The following CNNM2 variants were observed in gnomAD, a reference collection of about 807,000 sequenced individuals.
CNNM2 encodes cyclin and CBS domain divalent metal cation transport mediator 2.
Under a neutral mutation model 66.9 loss-of-function variants are expected in CNNM2, and 12 were observed. That is an observed-to-expected ratio of 0.18 (90% CI 0.11 to 0.29). CNNM2 has a LOEUF of 0.29. Ranked by LOEUF, CNNM2 falls within the 10% of genes least tolerant of loss-of-function variation. CNNM2 has a pLI of 1.00. For missense variants in CNNM2, 705 were observed against 1,167.7 expected, an observed-to-expected ratio of 0.60 and a Z score of 5.77; for synonymous variants, 557 against 501.8, an observed-to-expected ratio of 1.11 and a Z score of -1.47.
chr10:102,994,537 T>A (rs1380409367), intron 1 of CNNM2, among the ~76,000 whole-genome samples: 9 of 152,234 alleles, frequency 5.9e-5, no homozygotes, highest in Admixed American at 5.9e-4. Flanking sequence ...GGAACAATTC[T>A]CAAAGCCACA....
intron 1 of CNNM2, among the ~76,000 whole-genome samples, chr10:102,979,052 G>A (rs564559497): frequency 1.3e-5 from 2 of 152,198 alleles, no homozygotes; most frequent in South Asian, 2.1e-4. Flanking sequence ...GATAGTTCCC[G>A]GCTTTAGGCT....
chr10:102,965,186 C>T (rs1350993685), intron 1 of CNNM2, among the ~76,000 whole-genome samples: 2 of 152,220 alleles, frequency 1.3e-5, no homozygotes, highest in African/African-American at 4.8e-5. Flanking sequence ...CTGACCAAGA[C>T]ATATATGAAG....
At chr10:103,034,990 A>T (rs1189684469) in intron 1 of CNNM2, among the ~76,000 whole-genome samples, 1 of 149,012 alleles carries the variant, frequency 6.7e-6, no homozygotes. Context: ...AAAAAAAAAA[A>T]TCTCCTACTA....
At chr10:102,920,226 T>A in intron 1 of CNNM2, 125 bp downstream of exon 1, 1 of 1,589,334 alleles carries the variant, frequency 6.3e-7, no homozygotes, top group Non-Finnish European at 8.6e-7. Context: ...TTCTCCCTCT[T>A]AATTGCAAAG....
At chr10:103,052,294 A>C (rs552909513) in intron 2 of CNNM2, among the ~76,000 whole-genome samples, 16 of 151,194 alleles carry the variant, frequency 1.1e-4, no homozygotes, top group African/African-American at 1.9e-4. Flanking sequence ...AAAAAAACAA[A>C]AAAAAAAAAA....
In CNNM2 at chr10:102,919,466, C is replaced by G. The variant is rs1845545649; in HGVS notation, c.986C>G (p.Thr329Arg). ...LLLGNVLVNT[T>R]LTILLDDIAG... is the part of the protein sequence containing the mutation. Reference sequence around the variant, plus strand: ...CTGGGCAACGTGCTGGTCAACACCACGCTCACCATCCTGCTCGACGACATC... The same window carrying G: ...CTGGGCAACGTGCTGGTCAACACCAGGCTCACCATCCTGCTCGACGACATC... The change falls in exon 1 of 8, where the codon ACG becomes AGG. Residue 329 changes from threonine (T) to arginine (R), a missense_variant. Coordinates refer to ENST00000369878, the MANE Select transcript of CNNM2 (RefSeq NM_017649.5). The G allele has an allele frequency of 6.2e-7, 1 of 1,612,012 alleles. No individual in the cohort carries two copies.
intron 6 of CNNM2, 107 bp downstream of exon 6, chr10:103,071,946 G>T: frequency 1.0e-6 from 1 of 970,628 alleles, no homozygotes; most frequent in Non-Finnish European, 1.7e-6. Flanking sequence ...GCTGTTTTCA[G>T]TGTTCCTTGG....
chr10:103,057,465 TAAA>T (rs80025082), intron 4 of CNNM2, among the ~76,000 whole-genome samples: 2 of 141,692 alleles, frequency 1.4e-5, no homozygotes, highest in African/African-American at 2.6e-5. Context: ...AACCCTGTTT[TAAA>T]AAAAAAAAAA....
intron 1 of CNNM2, among the ~76,000 whole-genome samples, chr10:102,939,322 T>C (rs1846346021): frequency 1.3e-5 from 2 of 152,252 alleles, no homozygotes; most frequent in Non-Finnish European, 2.9e-5. Context: ...TACTGCAAGA[T>C]TTCTTCAAGA....
intron 1 of CNNM2, among the ~76,000 whole-genome samples, chr10:103,039,261 C>T (rs557002308): frequency 2.0e-5 from 3 of 152,178 alleles, no homozygotes; most frequent in African/African-American, 4.8e-5. Context: ...CTCAGCCTCC[C>T]GAGTAGCTGG....
chr10:103,030,527 C>T (rs1441945053), intron 1 of CNNM2, among the ~76,000 whole-genome samples: 1 of 152,056 alleles, frequency 6.6e-6, no homozygotes, highest in African/African-American at 2.4e-5. Context: ...CCAGCCTGGC[C>T]AACACGGTGA....
At position 103,077,201 on chromosome 10, in the gene CNNM2, C is replaced by G. The variant is rs374403051; in HGVS notation, c.*21C>G. 14 of 1,607,436 alleles carry G rather than the reference C, an allele frequency of 8.7e-6. No homozygotes were observed. The African/African-American group carries it at 1.5e-4, about 17-fold the overall frequency. ...TCTAGGCCGCGCTGGCTGCACCCGC[C>G]CAGGCCCGCACCCGCCCAGTCCCGA... On this transcript the variant is annotated 3_prime_UTR_variant, in exon 8 of 8. Coordinates refer to ENST00000369878, the MANE Select transcript of CNNM2 (RefSeq NM_017649.5).
chr10:103,037,334 C>G (rs916042667), intron 1 of CNNM2, among the ~76,000 whole-genome samples: 5 of 150,870 alleles, frequency 3.3e-5, no homozygotes, highest in African/African-American at 1.2e-4. Flanking sequence ...GTTACCTAGG[C>G]TAGACTCACT....
At chr10:103,003,386 T>G (rs2064162352) in intron 1 of CNNM2, among the ~76,000 whole-genome samples, 1 of 152,178 alleles carries the variant, frequency 6.6e-6, no homozygotes, top group South Asian at 2.1e-4. Flanking sequence ...AGTACTGGGA[T>G]TACAGGCATA....
chr10:102,943,880 G>A (rs563831596), intron 1 of CNNM2, among the ~76,000 whole-genome samples: 3 of 152,094 alleles, frequency 2.0e-5, no homozygotes, highest in Admixed American at 6.5e-5. Flanking sequence ...AGTTCTGTTC[G>A]TCTAAAACTC....
Position 103,089,177 on chromosome 10 carries a change from T to G in CNNM2, c.*11997T>G, listed in dbSNP as rs939238151. On this transcript the variant is annotated 3_prime_UTR_variant, in exon 8 of 8. Transcript: ENST00000369878. ...GAATTAAAGGCTTATAAAAGAAAACTTGACCTTAACAGAGACTACATTTGA... is the reference window on the plus strand; with the variant it reads ...GAATTAAAGGCTTATAAAAGAAAACGTGACCTTAACAGAGACTACATTTGA... 8.9e-6 allele frequency: 2 copies of G among 225,020 alleles called. No individual in the cohort carries two copies. The highest frequency in any genetic ancestry group is 3.7e-4 in the South Asian group (2 of 5,472). 13.9% of individuals were successfully genotyped at this position (225,020 alleles called of 1,614,324 possible). A position where few individuals can be genotyped will look rare whatever the true frequency, so the allele number is the denominator to read the frequency against.
Position 103,084,675 on chromosome 10 carries a change from G to A in CNNM2, c.*7495G>A, listed in dbSNP as rs2065786709. The A allele has an allele frequency of 6.6e-6, 1 of 152,128 alleles. No homozygotes were observed. The highest frequency in any genetic ancestry group is 1.5e-5 in the Non-Finnish European group (1 of 68,032). The allele number at this position is 152,128 out of a possible 1,614,324, so 9.4% of individuals were successfully genotyped here. A position where few individuals can be genotyped will look rare whatever the true frequency, so the allele number is the denominator to read the frequency against. On this transcript the variant is annotated 3_prime_UTR_variant, in exon 8 of 8. Coordinates refer to ENST00000369878, the MANE Select transcript of CNNM2 (RefSeq NM_017649.5). Reference sequence around the variant, plus strand: ...AAACTCCCCCCTGCATCCTCAGAGTGCGCACACATCCGCTCATTTCTAAGC... The same window carrying A: ...AAACTCCCCCCTGCATCCTCAGAGTACGCACACATCCGCTCATTTCTAAGC...
chr10:103,054,590 G>A lies in CNNM2; in HGVS notation c.1903+124G>A, dbSNP rs2065266998. Reference sequence around the variant, plus strand: ...TGGGGTGATAAGTAATGCCACTTTTGTGTTTTGTTTTTTTTGTTTTTTTGT... The same window carrying A: ...TGGGGTGATAAGTAATGCCACTTTTATGTTTTGTTTTTTTTGTTTTTTTGT... On this transcript the variant is annotated intron_variant, in intron 3 of 7. Coordinates refer to ENST00000369878, the MANE Select transcript of CNNM2 (RefSeq NM_017649.5). This position sits in a 1 kb window ranked among gnomAD's most constrained non-coding sequence, Gnocchi z 5.2. 3.9e-6 allele frequency: 4 copies of A among 1,012,886 alleles called. No homozygotes were observed. Among genetic ancestry groups the A allele is most frequent in the Admixed American group, 2.6e-5 (1 of 37,828 alleles). The allele number at this position is 1,012,886 out of a possible 1,614,324, so 62.7% of individuals were successfully genotyped here. A position where few individuals can be genotyped will look rare whatever the true frequency, so the allele number is the denominator to read the frequency against.
At chr10:102,931,291 G>T (rs1206650299) in intron 1 of CNNM2, among the ~76,000 whole-genome samples, 2 of 151,790 alleles carry the variant, frequency 1.3e-5, no homozygotes, top group Non-Finnish European at 2.9e-5. Flanking sequence ...GGTCTCAGAA[G>T]CCCTTCTGTT....
Sources: allele counts gnomAD v4.1 joint callset (sites outside exome capture counted in the v4.1 genomes callset), GRCh38; gene constraint gnomAD v4.1.1; non-coding constraint Gnocchi (gnomAD v3.1); transcripts MANE v1.5; gene names NCBI Gene and HGNC (gene_info 2026-07-23, HGNC 2026-07-21).